The following IRF3 variants were observed in gnomAD, a reference collection of about 807,000 sequenced individuals.
IRF3 encodes the protein interferon regulatory factor 3.
In IRF3, 29 loss-of-function variants were observed where a neutral mutation model predicts 43.2. That is an observed-to-expected ratio of 0.67 (90% confidence interval 0.50 to 0.91). The LOEUF is 0.91. Among genes scored for constraint, IRF3 ranks in the 40% least tolerant of loss-of-function variants. IRF3 has a pLI of 0.00. For missense variants in IRF3, 505 were observed against 559.1 expected, an observed-to-expected ratio of 0.90 and a Z score of 0.98; for synonymous variants, 228 against 233.9, an observed-to-expected ratio of 0.97 and a Z score of 0.23.
At chr19:49,664,630 G>C (rs905694610) in intron 2 of IRF3, 44 bp downstream of exon 2, 5 of 1,604,682 alleles carry the variant, frequency 3.1e-6, no homozygotes, top group Non-Finnish European at 3.4e-6. Flanking sequence ...TTTCCGCCCA[G>C]CGCGCAGCTC....
chr19:49,665,468 T>C (rs761628459), intron 1 of IRF3, 163 bp downstream of exon 1: 43 of 213,224 alleles, frequency 2.0e-4, no homozygotes, highest in South Asian at 1.4e-3. Context: ...CTTTTTCTAG[T>C]TTTTCTGCAG....
At chr19:49,664,562 C>T (rs753188816) in intron 2 of IRF3, 112 bp downstream of exon 2, 8 of 1,592,232 alleles carry the variant, frequency 5.0e-6, no homozygotes, top group Non-Finnish European at 6.0e-6. Flanking sequence ...CCAGCGTTGG[C>T]ACGAGCCCGC....
Position 49,664,659 on chromosome 19 carries a change from G to A in IRF3, c.165+15C>T. 6.2e-7 allele frequency: 1 copy of A among 1,611,134 alleles called. No individual in the cohort carries two copies. Among genetic ancestry groups the A allele is most frequent in the East Asian group, 2.2e-5 (1 of 44,798 alleles). On this transcript the variant is annotated intron_variant, in intron 2 of 7. Transcript: ENST00000377139. ...GCAGCTCCGGGTTTCCAGCGTCCCAGGTCGTCGCACGCACCTGGAAGATTC... is the reference window on the plus strand; with the variant it reads ...GCAGCTCCGGGTTTCCAGCGTCCCAAGTCGTCGCACGCACCTGGAAGATTC...
In IRF3 at chr19:49,664,686, G is replaced by A. The variant is rs1345843835; in HGVS notation, c.153C>T (p.Phe51=). 3 of 1,613,568 alleles carry A rather than the reference G, an allele frequency of 1.9e-6. No homozygotes were observed. The highest frequency in any genetic ancestry group is 2.5e-6 in the Non-Finnish European group (3 of 1,179,608). ...GLRQDAQQED[F]GIFQAWAEAT... ...TCGTCGCACGCACCTGGAAGATTCC[G>A]AAATCCTCCTGCTGTGCATCCTGCC... Residue 51 remains phenylalanine, a synonymous_variant, in exon 2 of 8, where the codon TTC becomes TTT. Transcript: ENST00000377139.
rs781489544 is a variant in IRF3 at position 49,663,264 on chromosome 19, G to A, written c.338-6C>T. On this transcript the variant is annotated splice_region_variant and splice_polypyrimidine_tract_variant and intron_variant, in intron 3 of 7. Transcript: ENST00000377139. ...CTGGGAAAAGTCCCCAACTCCTGTT[G>A]AGAAAAGTGGTGAGGGGAGTAGGAG... 6.2e-7 allele frequency: 1 copy of A among 1,614,122 alleles called. No homozygotes were observed. The highest frequency in any genetic ancestry group is 1.7e-5 in the Admixed American group (1 of 60,018).
intron 6 of IRF3, chr19:49,661,689 C>T (rs1356595738): frequency 2.5e-6 from 1 of 393,792 alleles, no homozygotes; most frequent in Non-Finnish European, 4.6e-6. Context: ...AAGCAATTCT[C>T]CTGCCTCAGC....
At chr19:49,663,606 C>T in intron 2 of IRF3, 92 bp from the exon 3 acceptor site, 1 of 1,244,696 alleles carries the variant, frequency 8.0e-7, no homozygotes, top group Non-Finnish European at 1.1e-6. Flanking sequence ...CTAACACCAC[C>T]CTCTTTCCCT....
chr19:49,664,375 C>T, intron 2 of IRF3: 1 of 1,197,816 alleles, frequency 8.3e-7, no homozygotes, highest in Non-Finnish European at 1.1e-6. Flanking sequence ...AGTATCTATC[C>T]TACAACCAAG....
At position 49,662,310 on chromosome 19, in the gene IRF3, G is replaced by C. The variant is rs1020274254; in HGVS notation, c.620C>G (p.Thr207Arg). 6.2e-7 allele frequency: 1 copy of C among 1,613,676 alleles called. No individual in the cohort carries two copies. Among genetic ancestry groups the C allele is most frequent in the Non-Finnish European group, 8.5e-7 (1 of 1,180,018 alleles). The change falls in exon 6 of 8, where the codon ACA (threonine) becomes AGA (arginine). Residue 207 changes from threonine (T) to arginine (R), a missense_variant. Thr to Arg is a moderately conservative substitution (Grantham distance 71). Transcript: ENST00000377139. ...GACTTGGCGGCCCCGGTAGAAGGCTGTCACCTCGAACTCCCACTCTGAGCA... is the reference window on the plus strand; with the variant it reads ...GACTTGGCGGCCCCGGTAGAAGGCTCTCACCTCGAACTCCCACTCTGAGCA... ...VPGEEWEFEV[T>R]AFYRGRQVFQ...
rs569706060 is a variant in IRF3 at position 49,665,760 on chromosome 19, T to C, written c.-138A>G. The stretch of plus-strand genomic sequence containing the variant: ...GAGCTCTAGAGCGCTGGGGCTTTCT[T>C]TTTGATCGACTTCTTGAAATAAAAC... On this transcript the variant is annotated 5_prime_UTR_variant, in exon 1 of 8. Coordinates refer to ENST00000377139, the MANE Select transcript of IRF3 (RefSeq NM_001571.6). 2.3e-5 allele frequency: 35 copies of C among 1,539,404 alleles called. No homozygotes were observed. The African/African-American group carries it at 4.0e-4, about 18-fold the overall frequency.
chr19:49,664,563 A>G, intron 2 of IRF3, 111 bp downstream of exon 2: 2 of 1,544,606 alleles, frequency 1.3e-6, no homozygotes, highest in Non-Finnish European at 1.7e-6. Flanking sequence ...CAGCGTTGGC[A>G]CGAGCCCGCC....
intron 6 of IRF3, chr19:49,661,330 C>T (rs572969484): frequency 1.0e-3 from 164 of 161,980 alleles, no homozygotes; most frequent in African/African-American, 3.7e-3. Flanking sequence ...CACTGCACAG[C>T]GAAACCCTAA....
chr19:49,663,723 T>C, intron 2 of IRF3: 1 of 566,708 alleles, frequency 1.8e-6, no homozygotes, highest in Non-Finnish European at 3.1e-6. Flanking sequence ...GAGATGGAGT[T>C]TCACTCCTGT....
rs779565361 is a variant in IRF3, at chr19:49,664,655, C to T, written c.165+19G>A. The T allele has an allele frequency of 1.2e-6, 2 of 1,611,068 alleles. No homozygotes were observed. The highest frequency in any genetic ancestry group is 1.7e-6 in the Non-Finnish European group (2 of 1,177,638). ...GCGCGCAGCTCCGGGTTTCCAGCGT[C>T]CCAGGTCGTCGCACGCACCTGGAAG... On this transcript the variant is annotated intron_variant, in intron 2 of 7. Coordinates refer to ENST00000377139, the MANE Select transcript of IRF3 (RefSeq NM_001571.6).
chr19:49,661,741 G>A (rs576812434), intron 6 of IRF3: 39 of 591,680 alleles, frequency 6.6e-5, no homozygotes, highest in South Asian at 6.0e-4. Context: ...CACCACGCCC[G>A]ACTATTTTTT....
intron 7 of IRF3, among the ~76,000 whole-genome samples, chr19:49,660,083 CACACACACAA>C (rs1305528406): frequency 6.6e-6 from 1 of 150,708 alleles, no homozygotes; most frequent in Admixed American, 6.6e-5. Flanking sequence ...TAGTTTTACA[CACACACACAA>C]ACACACACAC....
At chr19:49,664,003 A>C in intron 2 of IRF3, 1 of 220,652 alleles carries the variant, frequency 4.5e-6, no homozygotes, top group Non-Finnish European at 9.3e-6. Flanking sequence ...GCCTCTTCAA[A>C]AGCCTTTGAA....
intron 1 of IRF3, 48 bp downstream of exon 1, chr19:49,665,583 C>T (rs2081673875): frequency 7.6e-6 from 4 of 526,798 alleles, no homozygotes; most frequent in East Asian, 3.2e-5. Flanking sequence ...CTTTCCCGCT[C>T]CTCGCTCTCG....
intron 2 of IRF3, chr19:49,663,727 C>G: frequency 1.8e-6 from 1 of 562,086 alleles, no homozygotes; most frequent in South Asian, 2.1e-5. Flanking sequence ...TGGAGTTTCA[C>G]TCCTGTCACC....
Sources: allele counts gnomAD v4.1 joint callset (sites outside exome capture counted in the v4.1 genomes callset), GRCh38; gene constraint gnomAD v4.1.1; transcripts MANE v1.5; gene names NCBI Gene and HGNC (gene_info 2026-07-23, HGNC 2026-07-21).